Variants in SBNO2 observed in about 807,000 individuals in gnomAD.
The protein encoded by SBNO2 is protein strawberry notch homolog 2.
Under a neutral mutation model 146.3 loss-of-function variants are expected in SBNO2, and 89 were observed. The observed-to-expected ratio is 0.61, with a 90% CI of 0.51 to 0.73. The LOEUF (loss-of-function observed/expected upper bound fraction) is 0.73, where lower values mean the gene tolerates loss of function less well. Among genes scored for constraint, SBNO2 ranks in the 30% least tolerant of loss-of-function variants. The pLI is 0.00. For synonymous variants in SBNO2, 1,147 were observed against 892.6 expected, an observed-to-expected ratio of 1.29 and a Z score of -5.08; for missense variants, 2,092 against 2,003.7, an observed-to-expected ratio of 1.04 and a Z score of -0.84.
At chr19:1,162,601 T>C (rs1233641204) in intron 1 of SBNO2, among the ~76,000 whole-genome samples, 1 of 152,098 alleles carries the variant, frequency 6.6e-6, no homozygotes, top group Non-Finnish European at 1.5e-5. Flanking sequence ...ACATCGGCCT[T>C]GAGGGACCAG....
At chr19:1,124,925 G>A (rs1246623136) in intron 5 of SBNO2, among the ~76,000 whole-genome samples, 2 of 152,112 alleles carry the variant, frequency 1.3e-5, no homozygotes, top group Admixed American at 1.3e-4. Context: ...CTGTCCAGAC[G>A]CCAACACTGA....
chr19:1,120,009 C>T lies in SBNO2; in HGVS notation c.1164G>A (p.Glu388=). 1 of 1,551,394 alleles carries T rather than the reference C, an allele frequency of 6.4e-7. No homozygotes were observed. Among genetic ancestry groups the T allele is most frequent in the Non-Finnish European group, 8.7e-7 (1 of 1,147,126 alleles). Residue 388 remains glutamate (E), a synonymous_variant, in exon 12 of 32, where the codon GAG becomes GAA. Coordinates refer to ENST00000361757, the MANE Select transcript of SBNO2 (RefSeq NM_014963.3). The part of the protein sequence containing the change: ...EAFEGVIVFD[E]CHKAKNAGST... ...AGCCGGCATTCTTGGCTTTGTGACA[C>T]TCGTCGAACACGATCTGAGGCACAC...
Position 1,111,125 on chromosome 19 carries a change from T to TC in SBNO2, c.2810-33dup, listed in dbSNP as rs747601166. On this transcript the variant is annotated intron_variant, in intron 24 of 31. Transcript: ENST00000361757. ...GGAGAGGGGCCTCACATGCTGGTCT[T>TC]CCCACCCCTGCCCCTCCCTCGAAGC... is the stretch of plus-strand genomic sequence containing the variant. 3.3e-6 allele frequency: 5 copies of TC among 1,536,082 alleles called. No individual in the cohort carries two copies. The Admixed American group carries it at 9.8e-5, about 30-fold the overall frequency.
chr19:1,112,579 C>G lies in SBNO2; in HGVS notation c.2380-42G>C. 1 of 1,550,628 alleles carries G rather than the reference C, an allele frequency of 6.4e-7. No homozygotes were observed. The highest frequency in any genetic ancestry group is 8.7e-7 in the Non-Finnish European group (1 of 1,154,066). ...GGCCGGGACACGGTTGGTGCAAGGC[C>G]CGCCCCAGCGTTGCCGCCACCTCCT... On this transcript the variant is annotated intron_variant, in intron 20 of 31. Coordinates refer to ENST00000361757, the MANE Select transcript of SBNO2 (RefSeq NM_014963.3). The surrounding 1 kb of genome is among the most constrained non-coding windows in gnomAD (Gnocchi z 5.9).
In SBNO2 at chr19:1,119,125, CT is replaced by C; in HGVS notation, c.1412del (p.Lys471ArgfsTer44). ...GAMEIVAMDM[K>X]VSGMYIARQL... Reference sequence around the variant, plus strand: ...GGCGTGCGATGTACATGCCGCTGACCTTCATGTCCATGGCCACGATCTCCAT... The same window carrying C: ...GGCGTGCGATGTACATGCCGCTGACCTCATGTCCATGGCCACGATCTCCAT... On this transcript the variant is annotated frameshift_variant, in exon 14 of 32. Coordinates refer to ENST00000361757, the MANE Select transcript of SBNO2 (RefSeq NM_014963.3). LOFTEE classifies it high-confidence loss of function. 1 of 1,604,556 alleles carries C rather than the reference CT, an allele frequency of 6.2e-7. No homozygotes were observed.
chr19:1,147,237 G>T, intron 4 of SBNO2, 72 bp downstream of exon 4: 1 of 1,036,970 alleles, frequency 9.6e-7, no homozygotes, highest in Non-Finnish European at 1.4e-6. Flanking sequence ...GAGAGAGGTC[G>T]CAGGGCAGCT....
chr19:1,118,956 A>T (rs2145213283), intron 14 of SBNO2, 55 bp downstream of exon 14: 1 of 1,528,636 alleles, frequency 6.5e-7, no homozygotes, highest in Admixed American at 1.9e-5. Context: ...GCCACGGGGG[A>T]GCAATTTCAC....
chr19:1,157,439 G>A lies in SBNO2; in HGVS notation c.-126-3037C>T, dbSNP rs953723963. Among the ~76,000 whole-genome samples, 3 of 151,968 alleles carry A rather than the reference G, an allele frequency of 2.0e-5. No homozygotes were observed. The highest frequency in any genetic ancestry group is 2.9e-5 in the Non-Finnish European group (2 of 67,974). ...GGAGACCCTCTCCCCACGCGGCCCC[G>A]GTGACACGGCCCACCCCGAGCCTCA... On this transcript the variant is annotated intron_variant, in intron 1 of 31. Transcript: ENST00000361757. The surrounding 1 kb of genome is among the most constrained non-coding windows in gnomAD (Gnocchi z 6.8).
chr19:1,160,998 G>A (rs1412378277), intron 1 of SBNO2, among the ~76,000 whole-genome samples: 1 of 147,678 alleles, frequency 6.8e-6, no homozygotes, highest in Non-Finnish European at 1.5e-5. Flanking sequence ...AGGGTCCTGA[G>A]GTGCTTCCCA....
rs766048038 is a variant in SBNO2, at chr19:1,144,825, G to A, written c.279+2484C>T. ...AGACAGAGAGACAGAGACAGAGAGG[G>A]AGACAGAGAGACAGGGGCAGAGACA... On this transcript the variant is annotated intron_variant, in intron 4 of 31. Transcript: ENST00000361757. The surrounding 1 kb of genome is among the most constrained non-coding windows in gnomAD (Gnocchi z 4.1). 1.5e-4 allele frequency among the ~76,000 whole-genome samples: 23 copies of A among 150,842 alleles called. No individual in the cohort carries two copies. Among genetic ancestry groups the A allele is most frequent in the Non-Finnish European group, 3.2e-4 (22 of 67,720 alleles).
At chr19:1,155,365 C>T (rs1007279305) in intron 1 of SBNO2, among the ~76,000 whole-genome samples, 1 of 152,178 alleles carries the variant, frequency 6.6e-6, no homozygotes, top group Non-Finnish European at 1.5e-5. Context: ...TCCCAGAGAC[C>T]AGATGGAGGT....
intron 18 of SBNO2, 120 bp downstream of exon 18, chr19:1,114,111 G>A: frequency 1.1e-6 from 1 of 887,654 alleles, no homozygotes. Context: ...ACCTGGGGTG[G>A]GTGGTGACCG....
chr19:1,109,702 C>T lies in SBNO2; in HGVS notation c.3104G>A (p.Gly1035Glu). 2 of 1,607,346 alleles carry T rather than the reference C, an allele frequency of 1.2e-6. No homozygotes were observed. The highest frequency in any genetic ancestry group is 1.3e-5 in the African/African-American group (1 of 74,800). ...GCTGACCTTGTAGAAGACCACCTGC[C>T]CGTCCTGCGGGTGCCCGGGAGCCAG... ...VFLAPGHPQD[G>E]QVVFYKISVD... is the part of the protein sequence containing the mutation. The change falls in exon 27 of 32, where the codon GGG becomes GAG. Residue 1035 changes from glycine to glutamate, a missense_variant. Physicochemically the swap from Gly to Glu is moderately conservative, Grantham distance 98. Coordinates refer to ENST00000361757, the MANE Select transcript of SBNO2 (RefSeq NM_014963.3). This position sits in a 1 kb window ranked among gnomAD's most constrained non-coding sequence, Gnocchi z 4.2.
intron 14 of SBNO2, among the ~76,000 whole-genome samples, chr19:1,118,469 G>A (rs1422499459): frequency 6.6e-6 from 1 of 152,328 alleles, no homozygotes; most frequent in Non-Finnish European, 1.5e-5. Flanking sequence ...GCTGAACACG[G>A]CTACCAACTG....
chr19:1,127,592 G>C lies in SBNO2; in HGVS notation c.441+12C>G. ...TGGGTCGGGGCTGGCTGGGGGCACC[G>C]GGCGCACTGACCTTATCGTGGGTGG... On this transcript the variant is annotated intron_variant, in intron 5 of 31. Transcript: ENST00000361757. 6.2e-7 allele frequency: 1 copy of C among 1,609,586 alleles called. No individual in the cohort carries two copies. The highest frequency in any genetic ancestry group is 8.5e-7 in the Non-Finnish European group (1 of 1,178,630).
chr19:1,108,766 G>T lies in SBNO2; in HGVS notation c.3616+13C>A. The T allele has an allele frequency of 6.3e-7, 1 of 1,598,150 alleles. No individual in the cohort carries two copies. On this transcript the variant is annotated intron_variant, in intron 31 of 31. Coordinates refer to ENST00000361757, the MANE Select transcript of SBNO2 (RefSeq NM_014963.3). Reference sequence around the variant, plus strand: ...GGGCTCGGGCCTTCCCGGGGCGCCCGCCGCCCACTCACCCACTTGCTTCTT... The same window carrying T: ...GGGCTCGGGCCTTCCCGGGGCGCCCTCCGCCCACTCACCCACTTGCTTCTT...
intron 14 of SBNO2, among the ~76,000 whole-genome samples, chr19:1,117,940 C>G (rs916745677): frequency 6.6e-5 from 10 of 152,190 alleles, no homozygotes; most frequent in Admixed American, 3.3e-4. Flanking sequence ...GGACTCTGGC[C>G]ACGGATGCTG....
chr19:1,113,701 G>A lies in SBNO2; in HGVS notation c.2081C>T (p.Pro694Leu), dbSNP rs1244521990. 1.3e-6 allele frequency: 2 copies of A among 1,552,018 alleles called. No individual in the cohort carries two copies. Among genetic ancestry groups the A allele is most frequent in the Non-Finnish European group, 1.7e-6 (2 of 1,151,590 alleles). The part of the protein sequence containing the change: ...AVGLPSDDRG[P>L]LCLLQRDPHG... ...CGGGTCTCTCTGCAGGAGGCACAGG[G>A]GTCCTAGGGAGGAGGTGGAGGGTCA... Residue 694 changes from proline (P) to leucine (L), a missense_variant, in exon 19 of 32, where the codon CCC becomes CTC. Physicochemically the swap from Pro to Leu is moderately conservative, Grantham distance 98. Transcript: ENST00000361757.
Position 1,110,677 on chromosome 19 carries a change from G to A in SBNO2, c.3028+68C>T. 2 of 1,561,730 alleles carry A rather than the reference G, an allele frequency of 1.3e-6. No individual in the cohort carries two copies. Among genetic ancestry groups the A allele is most frequent in the Non-Finnish European group, 8.7e-7 (1 of 1,147,968 alleles). On this transcript the variant is annotated intron_variant, in intron 26 of 31. Coordinates refer to ENST00000361757, the MANE Select transcript of SBNO2 (RefSeq NM_014963.3). The surrounding 1 kb of genome is among the most constrained non-coding windows in gnomAD (Gnocchi z 4.9). Reference sequence around the variant, plus strand: ...TCCCACGAGCCCCGAGCCCACCCAGGATGCATGGCGTTCCCACGAGCCCCG... The same window carrying A: ...TCCCACGAGCCCCGAGCCCACCCAGAATGCATGGCGTTCCCACGAGCCCCG...
Sources: gnomAD v4.1 joint callset for allele counts (sites outside exome capture counted in the v4.1 genomes callset) on GRCh38, gnomAD v4.1.1 for gene constraint, Gnocchi (gnomAD v3.1) non-coding constraint, MANE v1.5 for transcripts, NCBI Gene and HGNC (gene_info 2026-07-23, HGNC 2026-07-21) for gene names.